Variants in CLASP2 observed in about 807,000 individuals in gnomAD.
CLASP2 encodes the protein cytoplasmic linker associated protein 2.
A neutral mutation model predicts 194.4 loss-of-function variants in CLASP2; 47 were observed. That is an observed-to-expected ratio of 0.24 (90% CI 0.19 to 0.31). CLASP2 has a LOEUF of 0.31. CLASP2 is among the 10% of genes least tolerant of loss of function. The pLI is 1.00. For missense variants in CLASP2, 1,445 were observed against 1,823.6 expected (o/e 0.79, Z 3.78); for synonymous variants, 619 against 633.5 (o/e 0.98, Z 0.34).
rs188785385 is a variant in CLASP2, at chr3:33,568,505, G to A, written c.2764-1771C>T. On this transcript the variant is annotated intron_variant, in intron 26 of 38. Transcript: ENST00000682230. ...GGAGGCGGAAGTTGCAGTGAGCCAA[G>A]ATCATGCCACTGCACTCCAGCCTGG... Among the ~76,000 whole-genome samples the A allele has an allele frequency of 2.4e-4, 33 of 135,338 alleles. No homozygotes were observed. In the East Asian group the frequency reaches 5.2e-3, roughly 21 times the overall value. The allele number at this position is 135,338 out of a possible 152,430, so 88.8% of individuals were successfully genotyped here. A position where few individuals can be genotyped will look rare whatever the true frequency, so the allele number is the denominator to read the frequency against.
chr3:33,572,161 A>C (rs1278045463), intron 25 of CLASP2, among the ~76,000 whole-genome samples: 2 of 152,176 alleles, frequency 1.3e-5, no homozygotes, highest in Non-Finnish European at 2.9e-5. Context: ...TTAGGTGTTA[A>C]GACATTTTCT....
chr3:33,515,906 C>G, intron 36 of CLASP2, 117 bp downstream of exon 36: 1 of 1,023,670 alleles, frequency 9.8e-7, no homozygotes, highest in Non-Finnish European at 1.4e-6. Context: ...CAGGTATTAC[C>G]CTGAATGTCA....
intron 21 of CLASP2, among the ~76,000 whole-genome samples, chr3:33,589,617 A>C (rs1366017752): frequency 6.6e-6 from 1 of 152,160 alleles, no homozygotes; most frequent in Non-Finnish European, 1.5e-5. Context: ...GATTTTACAG[A>C]GGGAAAGTCT....
chr3:33,636,422 C>T (rs766468733), intron 8 of CLASP2, among the ~76,000 whole-genome samples: 1 of 151,574 alleles, frequency 6.6e-6, no homozygotes, highest in Non-Finnish European at 1.5e-5. Context: ...AAGTAACTCC[C>T]TAAAATTAAA....
rs188678114 is a variant in CLASP2 at position 33,606,857 on chromosome 3, G to T, written c.1527-99C>A. The T allele has an allele frequency of 3.7e-4, 310 of 837,002 alleles. 3 individuals carry two copies. In the African/African-American group the frequency reaches 4.9e-3, roughly 13 times the overall value. The allele number at this position is 837,002 out of a possible 1,614,324, so 51.8% of individuals were successfully genotyped here. The stretch of plus-strand genomic sequence containing the variant: ...AAGAAGGATGAAGATAAGCCCACTG[G>T]TTTTCAGCATTATCTGATATTTGTC... On this transcript the variant is annotated intron_variant, in intron 15 of 38. Transcript: ENST00000682230.
At chr3:33,633,355 T>C (rs1244113128) in intron 8 of CLASP2, among the ~76,000 whole-genome samples, 1 of 152,138 alleles carries the variant, frequency 6.6e-6, no homozygotes, top group South Asian at 2.1e-4. Context: ...CAGAGTACCC[T>C]AGAATTCTTG....
chr3:33,536,000 AT>A (rs2057263317), intron 33 of CLASP2, among the ~76,000 whole-genome samples: 1 of 152,132 alleles, frequency 6.6e-6, no homozygotes, highest in South Asian at 2.1e-4. Flanking sequence ...GTACATACTT[AT>A]CAAAATATGA....
At chr3:33,591,406 AGAACAAGATCAGTT>A (rs1344538534) in intron 21 of CLASP2, among the ~76,000 whole-genome samples, 2 of 152,224 alleles carry the variant, frequency 1.3e-5, no homozygotes, top group East Asian at 1.9e-4. Context: ...TGAGGCCAGA[AGAACAAGATCAGTT>A]TGGGCAACAC....
chr3:33,507,027 C>T (rs2154081335), intron 37 of CLASP2, among the ~76,000 whole-genome samples: 1 of 151,980 alleles, frequency 6.6e-6, no homozygotes, highest in South Asian at 2.1e-4. Flanking sequence ...CAACCTCTGC[C>T]TCCTAGGTTC....
rs1330482909 is a variant in CLASP2 at position 33,631,032 on chromosome 3, C to T, written c.942+1260G>A. On this transcript the variant is annotated intron_variant, in intron 9 of 38. Coordinates refer to ENST00000682230, the MANE Select transcript of CLASP2 (RefSeq NM_001365631.1). ...AGTCAAATCAGAAAACTTTTTAAGG[C>T]TTTCTTGTAACTTTTTAAGATCTTA... 2.0e-5 allele frequency among the ~76,000 whole-genome samples: 3 copies of T among 152,212 alleles called. No homozygotes were observed. In the East Asian group the frequency reaches 5.8e-4, roughly 29 times the overall value.
intron 7 of CLASP2, among the ~76,000 whole-genome samples, chr3:33,661,315 G>A (rs879448793): frequency 6.6e-6 from 1 of 152,014 alleles, no homozygotes; most frequent in African/African-American, 2.4e-5. Context: ...TCTTCCTGTT[G>A]TGACATGATC....
chr3:33,676,676 T>C (rs1290207376), intron 6 of CLASP2, among the ~76,000 whole-genome samples: 3 of 152,172 alleles, frequency 2.0e-5, no homozygotes, highest in Non-Finnish European at 4.4e-5. Flanking sequence ...CCAAAAACTA[T>C]GGCAACAAAA....
Position 33,620,361 on chromosome 3 carries a change from T to C in CLASP2, c.1182-623A>G, listed in dbSNP as rs545198483. 5.3e-5 allele frequency among the ~76,000 whole-genome samples: 8 copies of C among 152,262 alleles called. No homozygotes were observed. In the East Asian group the frequency reaches 5.8e-4, roughly 11 times the overall value. Reference sequence around the variant, plus strand: ...CTTAAACAACTAAACCAGACTTTCATTGTATGATTTTAGTTAAACTAGGAG... The same window carrying C: ...CTTAAACAACTAAACCAGACTTTCACTGTATGATTTTAGTTAAACTAGGAG... On this transcript the variant is annotated intron_variant, in intron 11 of 38. Coordinates refer to ENST00000682230, the MANE Select transcript of CLASP2 (RefSeq NM_001365631.1).
intron 23 of CLASP2, among the ~76,000 whole-genome samples, chr3:33,579,378 AG>A (rs1454205256): frequency 2.0e-5 from 3 of 152,248 alleles, no homozygotes; most frequent in Non-Finnish European, 2.9e-5. Flanking sequence ...AATTAGTAGT[AG>A]ATTATAAAGG....
chr3:33,506,219 C>A (rs1441221549), intron 37 of CLASP2, among the ~76,000 whole-genome samples: 2 of 151,270 alleles, frequency 1.3e-5, no homozygotes, highest in African/African-American at 4.9e-5. Context: ...CTAAAAACTA[C>A]AAAAATTAGC....
intron 8 of CLASP2, among the ~76,000 whole-genome samples, chr3:33,634,460 TA>T (rs1019341829): frequency 2.0e-5 from 3 of 152,216 alleles, no homozygotes; most frequent in Non-Finnish European, 2.9e-5. Context: ...TGTGTTTCAA[TA>T]AAACTTTATT....
intron 27 of CLASP2, among the ~76,000 whole-genome samples, chr3:33,565,012 C>T (rs931207185): frequency 1.3e-5 from 2 of 152,122 alleles, no homozygotes; most frequent in African/African-American, 4.8e-5. Context: ...TCCACTTACA[C>T]GTGGATTTTC....
chr3:33,596,313 A>T lies in CLASP2; in HGVS notation c.1948+398T>A, dbSNP rs116780021. Among the ~76,000 whole-genome samples, 1,238 of 152,272 alleles carry T rather than the reference A, an allele frequency of 8.1e-3. 23 individuals are homozygous for T. The highest frequency in any genetic ancestry group is 0.028 in the African/African-American group (1,174 of 41,572). On this transcript the variant is annotated intron_variant, in intron 19 of 38. Coordinates refer to ENST00000682230, the MANE Select transcript of CLASP2 (RefSeq NM_001365631.1). ...TTTTCAAAAACAATCATATGAACTT[A>T]CGAAATATGTCATTTGTCATATCAC...
chr3:33,586,530 TAA>T (rs1560168520), intron 21 of CLASP2, among the ~76,000 whole-genome samples: 1 of 151,994 alleles, frequency 6.6e-6, no homozygotes, highest in African/African-American at 2.4e-5. Flanking sequence ...TGCATGGGTT[TAA>T]AAAAAGTTTT....
Sources: allele counts gnomAD v4.1 joint callset (sites outside exome capture counted in the v4.1 genomes callset), GRCh38; gene constraint gnomAD v4.1.1; transcripts MANE v1.5; gene names NCBI Gene and HGNC (gene_info 2026-07-23, HGNC 2026-07-21).